The following TMEM71 variants were observed in gnomAD, a reference collection of about 807,000 sequenced individuals.
TMEM71 encodes transmembrane protein 71.
In TMEM71, 44 loss-of-function variants were observed where a neutral mutation model predicts 38.0. The ratio of observed to expected loss-of-function variants is 1.16; its 90% CI spans 0.91 to 1.49. The LOEUF is 1.49. Among genes scored for constraint, TMEM71 ranks in the 40% most tolerant of loss-of-function variants. TMEM71 has a pLI of 0.00. For missense variants in TMEM71, 367 were observed against 348.6 expected (o/e 1.05, Z -0.42); for synonymous variants, 133 against 122.5 (o/e 1.09, Z -0.56).
chr8:132,744,788 G>T (rs750895598), intron 5 of TMEM71, among the ~76,000 whole-genome samples: 1 of 152,112 alleles, frequency 6.6e-6, no homozygotes, highest in Non-Finnish European at 1.5e-5. Flanking sequence ...TATACCATAA[G>T]GCAATAGTAA....
chr8:132,724,217 C>T (rs571969036), intron 6 of TMEM71, among the ~76,000 whole-genome samples: 2 of 152,292 alleles, frequency 1.3e-5, no homozygotes, highest in South Asian at 2.1e-4. Context: ...AGTTCGAGAG[C>T]AGAGAACCGG....
At chr8:132,731,707 C>A (rs1233071865) in intron 5 of TMEM71, among the ~76,000 whole-genome samples, 1 of 152,000 alleles carries the variant, frequency 6.6e-6, no homozygotes. Context: ...GGTTTAGAGA[C>A]AGGGACAAAA....
intron 5 of TMEM71, among the ~76,000 whole-genome samples, chr8:132,729,161 A>G (rs1473996363): frequency 1.3e-5 from 2 of 152,244 alleles, no homozygotes; most frequent in Admixed American, 6.5e-5. Context: ...GGTGTCTTCA[A>G]TGTGAGGTCA....
chr8:132,725,460 C>T (rs1827091301), intron 6 of TMEM71, among the ~76,000 whole-genome samples: 1 of 152,316 alleles, frequency 6.6e-6, no homozygotes, highest in South Asian at 2.1e-4. Flanking sequence ...GGATCCTGCA[C>T]TGTAAGCCTG....
At chr8:132,774,393 AT>A in the TMEM71 span, among the ~76,000 whole-genome samples, 7 of 152,366 alleles carry the variant, frequency 4.6e-5, no homozygotes, top group Admixed American at 4.6e-4. Flanking sequence ...ATGTATCACC[AT>A]GCTCAGTCTA....
At chr8:132,708,791 G>T (rs75215762), downstream of TMEM71, among the ~76,000 whole-genome samples, 6,851 of 152,214 alleles carry the variant, frequency 0.045, 556 homozygotes, top group African/African-American at 0.16. Flanking sequence ...TAAAGAAGGA[G>T]GCAAGATGTC....
chr8:132,720,275 A>G (rs566139914), intron 7 of TMEM71, among the ~76,000 whole-genome samples: 2 of 152,328 alleles, frequency 1.3e-5, no homozygotes, highest in Non-Finnish European at 2.9e-5. Context: ...CCTCCCTTAA[A>G]GGATTAAGAG....
downstream of TMEM71, among the ~76,000 whole-genome samples, chr8:132,707,981 T>C (rs868611590): frequency 2.0e-5 from 3 of 152,162 alleles, no homozygotes; most frequent in African/African-American, 7.2e-5. Context: ...GGACTAAATA[T>C]ATATTTACTG....
At chr8:132,775,581 G>T in the TMEM71 span, 1 of 353,076 alleles carries the variant, frequency 2.8e-6, no homozygotes, top group Non-Finnish European at 5.1e-6. Context: ...CGGGCTGGCC[G>T]CCCTGCTCGT....
chr8:132,708,102 C>A (rs777042088), downstream of TMEM71, among the ~76,000 whole-genome samples: 1 of 152,186 alleles, frequency 6.6e-6, no homozygotes, highest in Non-Finnish European at 1.5e-5. Flanking sequence ...CATTCCAGAT[C>A]ACTGAGAATC....
intron 5 of TMEM71, among the ~76,000 whole-genome samples, chr8:132,728,245 TCA>T (rs2131065794): frequency 6.6e-6 from 1 of 152,248 alleles, no homozygotes; most frequent in East Asian, 1.9e-4. Flanking sequence ...TTTAATGGAC[TCA>T]CAGTTCCACA....
intron 9 of TMEM71, among the ~76,000 whole-genome samples, chr8:132,711,268 T>C (rs1826219995): frequency 6.6e-6 from 1 of 152,196 alleles, no homozygotes; most frequent in African/African-American, 2.4e-5. Context: ...ATATTTCCTA[T>C]GGTTTCCTCT....
chr8:132,717,804 G>A (rs1053124478), intron 7 of TMEM71, among the ~76,000 whole-genome samples: 6 of 152,166 alleles, frequency 3.9e-5, no homozygotes, highest in African/African-American at 1.4e-4. Context: ...AGTGTTCATA[G>A]CAACATTATT....
chr8:132,724,050 G>A (rs1271848702), intron 6 of TMEM71, among the ~76,000 whole-genome samples: 1 of 152,164 alleles, frequency 6.6e-6, no homozygotes, highest in African/African-American at 2.4e-5. Flanking sequence ...AGAACAGCAA[G>A]TAGGTCACAA....
chr8:132,717,237 G>C (rs1826582360), intron 7 of TMEM71, among the ~76,000 whole-genome samples: 1 of 152,158 alleles, frequency 6.6e-6, no homozygotes, highest in Non-Finnish European at 1.5e-5. Flanking sequence ...AAGTAGAGAA[G>C]TTGGGCTACA....
intron 5 of TMEM71, among the ~76,000 whole-genome samples, chr8:132,731,892 C>T (rs553992084): frequency 1.7e-4 from 26 of 152,204 alleles, no homozygotes; most frequent in Non-Finnish European, 2.8e-4. Context: ...AGGAAAGATA[C>T]GAAACCAGCT....
At chr8:132,772,947 A>G in the TMEM71 span, among the ~76,000 whole-genome samples, 3 of 152,192 alleles carry the variant, frequency 2.0e-5, no homozygotes, top group East Asian at 1.9e-4. Context: ...ACTCTTGATA[A>G]TGTTCAGAAA....
the TMEM71 span, among the ~76,000 whole-genome samples, chr8:132,773,872 T>G: frequency 6.6e-6 from 1 of 152,220 alleles, no homozygotes; most frequent in Non-Finnish European, 1.5e-5. Flanking sequence ...GATTATGCCA[T>G]GTAACAAACA....
At chr8:132,770,240 G>A in the TMEM71 span, among the ~76,000 whole-genome samples, 1 of 152,216 alleles carries the variant, frequency 6.6e-6, no homozygotes, top group South Asian at 2.1e-4. Flanking sequence ...TTGAATGGCT[G>A]TAAATTGTAA....
Sources: allele counts gnomAD v4.1 joint callset (sites outside exome capture counted in the v4.1 genomes callset), GRCh38; gene constraint gnomAD v4.1.1; transcripts MANE v1.5; gene names NCBI Gene and HGNC (gene_info 2026-07-23, HGNC 2026-07-21).